The following PLCL1 variants were observed in gnomAD, a reference collection of about 807,000 sequenced individuals.
The protein encoded by PLCL1 is phospholipase C like 1 (inactive).
Under a neutral mutation model 84.4 loss-of-function variants are expected in PLCL1, and 41 were observed. The observed-to-expected ratio is 0.49, with a 90% CI of 0.38 to 0.63. PLCL1 has a LOEUF of 0.63. Among genes scored for constraint, PLCL1 ranks in the 30% least tolerant of loss-of-function variants. The pLI is 0.00. For synonymous variants in PLCL1, 490 were observed against 488.3 expected (o/e 1.00, Z -0.05); for missense variants, 1,206 against 1,367.8 (o/e 0.88, Z 1.87).
In PLCL1 at chr2:197,884,882, TA is replaced by T. The variant is rs562511402; in HGVS notation, c.240+79555del. On this transcript the variant is annotated intron_variant, in intron 1 of 5. Coordinates refer to ENST00000428675, the MANE Select transcript of PLCL1 (RefSeq NM_006226.4). ...CTGCATAGCAAACAGAATGATTTCC[TA>T]AAAAAAAAAAATTGAGACTGTATTG... 2.8e-3 allele frequency among the ~76,000 whole-genome samples: 402 copies of T among 146,056 alleles called. 3 individuals are homozygous for T. Among genetic ancestry groups the T allele is most frequent in the African/African-American group, 8.6e-3 (343 of 40,070 alleles).
intron 5 of PLCL1, among the ~76,000 whole-genome samples, chr2:198,130,490 T>C (rs886509046): frequency 6.6e-6 from 1 of 152,060 alleles, no homozygotes; most frequent in Non-Finnish European, 1.5e-5. Flanking sequence ...TCTCTTTATC[T>C]CTTGATGATC....
At chr2:197,860,185 G>C (rs1254827183) in intron 1 of PLCL1, among the ~76,000 whole-genome samples, 2 of 151,986 alleles carry the variant, frequency 1.3e-5, no homozygotes, top group African/African-American at 4.8e-5. Context: ...CTCCATTAAT[G>C]TCCCTGCAAA....
intron 1 of PLCL1, among the ~76,000 whole-genome samples, chr2:197,956,301 T>A (rs1016847368): frequency 6.6e-6 from 1 of 152,144 alleles, no homozygotes; most frequent in Non-Finnish European, 1.5e-5. Context: ...TTTCCACATT[T>A]TCTTTATCCA....
chr2:197,956,470 G>A (rs1042591462), intron 1 of PLCL1, among the ~76,000 whole-genome samples: 1 of 152,082 alleles, frequency 6.6e-6, no homozygotes, highest in African/African-American at 2.4e-5. Context: ...GGTATTTCTA[G>A]TTCTAGATCC....
chr2:198,050,829 A>C (rs1398613219), intron 1 of PLCL1, among the ~76,000 whole-genome samples: 1 of 152,190 alleles, frequency 6.6e-6, no homozygotes, highest in Non-Finnish European at 1.5e-5. Flanking sequence ...TCCCATATCC[A>C]AAAGAACATC....
intron 1 of PLCL1, among the ~76,000 whole-genome samples, chr2:198,061,315 A>G (rs190262606): frequency 6.6e-6 from 1 of 152,090 alleles, no homozygotes; most frequent in Non-Finnish European, 1.5e-5. Flanking sequence ...TACAATTTCT[A>G]TTGTTTCTTG....
intron 1 of PLCL1, among the ~76,000 whole-genome samples, chr2:197,925,345 G>T (rs1688812325): frequency 6.6e-6 from 1 of 152,126 alleles, no homozygotes; most frequent in South Asian, 2.1e-4. Context: ...TTTGAGTGGG[G>T]TGTTTCAGTT....
chr2:198,039,434 A>G (rs1691611735), intron 1 of PLCL1, among the ~76,000 whole-genome samples: 1 of 152,196 alleles, frequency 6.6e-6, no homozygotes, highest in Non-Finnish European at 1.5e-5. Flanking sequence ...GAACTGATGC[A>G]TAATTACTTC....
At chr2:198,129,544 T>C (rs1386085636) in intron 5 of PLCL1, among the ~76,000 whole-genome samples, 1 of 152,160 alleles carries the variant, frequency 6.6e-6, no homozygotes, top group East Asian at 1.9e-4. Context: ...ATTTAAAATA[T>C]CAAACTGTAA....
intron 1 of PLCL1, among the ~76,000 whole-genome samples, chr2:197,969,852 T>C (rs1689824705): frequency 6.6e-6 from 1 of 152,200 alleles, no homozygotes; most frequent in Admixed American, 6.5e-5. Flanking sequence ...GAAGTCTGAG[T>C]CCCTGAATGA....
rs115581278 is a variant in PLCL1 at position 197,954,622 on chromosome 2, C to T, written c.241-129136C>T. Among the ~76,000 whole-genome samples, 733 of 152,122 alleles carry T rather than the reference C, an allele frequency of 4.8e-3. 8 individuals are homozygous for T. The highest frequency in any genetic ancestry group is 0.016 in the African/African-American group (661 of 41,526). ...CACTTGAGAATAATAGTTTTGGAGG[C>T]GCTTCTTTGCTGAAGTATGATTATA... is the stretch of plus-strand genomic sequence containing the variant. On this transcript the variant is annotated intron_variant, in intron 1 of 5. Transcript: ENST00000428675.
chr2:198,106,899 C>G (rs2859982), intron 5 of PLCL1, among the ~76,000 whole-genome samples: 1 of 151,732 alleles, frequency 6.6e-6, no homozygotes, highest in African/African-American at 2.4e-5. Context: ...AGCTAGTAAA[C>G]AGCCAGCCTG....
rs780048494 is a variant in PLCL1 at position 198,084,617 on chromosome 2, G to A, written c.1100G>A (p.Arg367His). The change falls in exon 2 of 6, where the codon CGT becomes CAT. Residue 367 changes from arginine (R) to histidine (H), a missense_variant. Physicochemically the swap from Arg to His is conservative, Grantham distance 29. Coordinates refer to ENST00000428675, the MANE Select transcript of PLCL1 (RefSeq NM_006226.4). ...AGATACGAACTTTCTGAAGAGGGAC[G>A]TCAAAAAGGGTTTCTTGCAATTGAT... Reference protein sequence around the residue: ...IRRYELSEEGRQKGFLAIDGF... With the variant: ...IRRYELSEEGHQKGFLAIDGF... 15 of 1,613,826 alleles carry A rather than the reference G, an allele frequency of 9.3e-6. No homozygotes were observed. Among genetic ancestry groups the A allele is most frequent in the South Asian group, 2.2e-5 (2 of 91,074 alleles).
intron 1 of PLCL1, among the ~76,000 whole-genome samples, chr2:197,925,762 T>G (rs1358598599): frequency 7.6e-6 from 1 of 131,808 alleles, no homozygotes; most frequent in Non-Finnish European, 1.6e-5. Flanking sequence ...CCCTCAGACC[T>G]CCTCTACACC....
chr2:197,971,561 G>T (rs1323169743), intron 1 of PLCL1, among the ~76,000 whole-genome samples: 3 of 152,174 alleles, frequency 2.0e-5, no homozygotes, highest in African/African-American at 7.2e-5. Context: ...GGAAGGGGAA[G>T]ATAGATACTC....
At chr2:197,888,854 TAA>T (rs1337713203) in intron 1 of PLCL1, among the ~76,000 whole-genome samples, 2 of 152,122 alleles carry the variant, frequency 1.3e-5, no homozygotes, top group Non-Finnish European at 2.9e-5. Flanking sequence ...GAATTAGAAA[TAA>T]AAGATATGAT....
chr2:198,105,832 T>C (rs1386393687), intron 5 of PLCL1, among the ~76,000 whole-genome samples: 1 of 151,924 alleles, frequency 6.6e-6, no homozygotes, highest in African/African-American at 2.4e-5. Flanking sequence ...CAAATAACTT[T>C]GGAAGTCATT....
At chr2:198,090,902 G>A (rs971889794) in intron 3 of PLCL1, among the ~76,000 whole-genome samples, 6 of 152,190 alleles carry the variant, frequency 3.9e-5, no homozygotes, top group Admixed American at 6.5e-5. Flanking sequence ...TCACACCCCC[G>A]AGTGTCTGAC....
chr2:197,950,691 TA>T (rs1228903091), intron 1 of PLCL1, among the ~76,000 whole-genome samples: 3 of 152,082 alleles, frequency 2.0e-5, no homozygotes, highest in African/African-American at 4.8e-5. Context: ...ATAATAGAAT[TA>T]AAAAATATAT....
Sources: allele counts gnomAD v4.1 joint callset (sites outside exome capture counted in the v4.1 genomes callset), GRCh38; gene constraint gnomAD v4.1.1; transcripts MANE v1.5; gene names NCBI Gene and HGNC (gene_info 2026-07-23, HGNC 2026-07-21).